The following ST7 variants were observed in gnomAD, a reference collection of about 807,000 sequenced individuals.
The protein encoded by ST7 is suppression of tumorigenicity 7.
ST7 carries 28 observed loss-of-function variants against 78.7 expected under a neutral mutation model. The observed-to-expected ratio is 0.36, with a 90% CI of 0.26 to 0.49. ST7 has a LOEUF of 0.49. ST7 is among the 20% of genes least tolerant of loss of function. The pLI is 0.99. For synonymous variants in ST7, 247 were observed against 249.6 expected (o/e 0.99, Z 0.10); for missense variants, 418 against 696.0 (o/e 0.60, Z 4.49).
At chr7:117,178,080 G>T (rs1454792038) in intron 10 of ST7, among the ~76,000 whole-genome samples, 1 of 152,124 alleles carries the variant, frequency 6.6e-6, no homozygotes, top group Non-Finnish European at 1.5e-5. Flanking sequence ...AAGTGTATCT[G>T]GTAGAAATGA....
At chr7:116,988,071 A>G (rs1478757327) in intron 1 of ST7, among the ~76,000 whole-genome samples, 1 of 152,194 alleles carries the variant, frequency 6.6e-6, no homozygotes, top group Non-Finnish European at 1.5e-5. Flanking sequence ...GTCCTAATAT[A>G]ATGAATCATT....
intron 1 of ST7, among the ~76,000 whole-genome samples, chr7:117,094,646 A>T (rs1800886423): frequency 6.6e-6 from 1 of 152,200 alleles, no homozygotes; most frequent in Non-Finnish European, 1.5e-5. Context: ...GCCTCAGAGC[A>T]GTTCTGGGAA....
chr7:117,177,974 T>C (rs1401799023), intron 10 of ST7, among the ~76,000 whole-genome samples: 2 of 152,202 alleles, frequency 1.3e-5, no homozygotes, highest in Admixed American at 6.5e-5. Context: ...AGAAATGGAC[T>C]GCTTTTTAAA....
intron 1 of ST7, chr7:116,959,333 T>C (rs1170841520): frequency 4.3e-6 from 2 of 462,374 alleles, no homozygotes; most frequent in African/African-American, 2.0e-5. Context: ...TGCAGTTACT[T>C]TATCTTATAT....
chr7:117,021,368 A>G (rs183438488), intron 1 of ST7, among the ~76,000 whole-genome samples: 1 of 152,368 alleles, frequency 6.6e-6, no homozygotes, highest in African/African-American at 2.4e-5. Flanking sequence ...TATAACGTCA[A>G]TGCAGTTGTA....
intron 1 of ST7, among the ~76,000 whole-genome samples, chr7:116,973,621 A>G (rs970663030): frequency 6.6e-6 from 1 of 152,028 alleles, no homozygotes. Context: ...CTTTCCCCAC[A>G]TGTTTTCTTT....
chr7:117,033,371 T>C (rs1008535287), intron 1 of ST7, among the ~76,000 whole-genome samples: 9 of 152,158 alleles, frequency 5.9e-5, no homozygotes, highest in Non-Finnish European at 8.8e-5. Flanking sequence ...GAAATTATAA[T>C]TCATGCATGT....
chr7:117,142,406 G>T (rs1563116313), intron 9 of ST7, among the ~76,000 whole-genome samples: 3 of 152,002 alleles, frequency 2.0e-5, no homozygotes, highest in Non-Finnish European at 4.4e-5. Context: ...GTGCATTGTA[G>T]GATGTTTAGC....
intron 1 of ST7, among the ~76,000 whole-genome samples, chr7:117,077,495 G>T (rs143254485): frequency 6.6e-6 from 1 of 152,162 alleles, no homozygotes; most frequent in Non-Finnish European, 1.5e-5. Flanking sequence ...CTATGACAGG[G>T]TATGGCTAGC....
At chr7:117,059,386 A>G (rs999971276) in intron 1 of ST7, among the ~76,000 whole-genome samples, 8 of 152,200 alleles carry the variant, frequency 5.3e-5, no homozygotes, top group Admixed American at 3.9e-4. Flanking sequence ...TGAATAGGTT[A>G]TTATTTAAAA....
intron 1 of ST7, among the ~76,000 whole-genome samples, chr7:117,040,747 G>A (rs1563034767): frequency 6.6e-6 from 1 of 152,192 alleles, no homozygotes; most frequent in Non-Finnish European, 1.5e-5. Flanking sequence ...TTACTGGGAG[G>A]CCAGGTTGCT....
intron 13 of ST7, among the ~76,000 whole-genome samples, chr7:117,212,262 G>A (rs1232845137): frequency 6.6e-6 from 1 of 152,202 alleles, no homozygotes; most frequent in African/African-American, 2.4e-5. Context: ...CCGGACAGAG[G>A]TGGCCATCTC....
chr7:117,074,409 C>A (rs959055355), intron 1 of ST7, among the ~76,000 whole-genome samples: 2 of 152,098 alleles, frequency 1.3e-5, no homozygotes, highest in Non-Finnish European at 2.9e-5. Flanking sequence ...AAAACAAAAA[C>A]AAGCTACTAT....
chr7:117,209,291 A>G (rs1277590532), intron 12 of ST7, among the ~76,000 whole-genome samples: 1 of 152,098 alleles, frequency 6.6e-6, no homozygotes, highest in Non-Finnish European at 1.5e-5. Context: ...TCCTCCCTGT[A>G]GCACCTGAGC....
At chr7:117,224,284 C>T (rs530643040) in intron 15 of ST7, among the ~76,000 whole-genome samples, 1 of 152,288 alleles carries the variant, frequency 6.6e-6, no homozygotes, top group African/African-American at 2.4e-5. Flanking sequence ...CCACCTCTAA[C>T]CAACTACCTG....
At chr7:117,198,975 C>G (rs1810564525) in intron 12 of ST7, 1 of 152,160 alleles carries the variant, frequency 6.6e-6, no homozygotes. Context: ...TTGACTCCCC[C>G]AGCGAAATGT....
chr7:117,000,411 G>A (rs1375515316), intron 1 of ST7, among the ~76,000 whole-genome samples: 1 of 152,204 alleles, frequency 6.6e-6, no homozygotes, highest in Non-Finnish European at 1.5e-5. Flanking sequence ...TTTATAGCTA[G>A]TGGCTACCAT....
chr7:117,225,618 G>C (rs1041614420), intron 15 of ST7, among the ~76,000 whole-genome samples: 1 of 152,140 alleles, frequency 6.6e-6, no homozygotes, highest in African/African-American at 2.4e-5. Context: ...ACACCCCGCA[G>C]GTTATCGCAA....
At chr7:116,959,711 A>G (rs902446676) in intron 1 of ST7, 3 of 152,260 alleles carry the variant, frequency 2.0e-5, no homozygotes. Context: ...CAATTTTTTG[A>G]TTAATGTCAG....
Sources: allele counts gnomAD v4.1 joint callset (sites outside exome capture counted in the v4.1 genomes callset), GRCh38; gene constraint gnomAD v4.1.1; transcripts MANE v1.5; gene names NCBI Gene and HGNC (gene_info 2026-07-23, HGNC 2026-07-21).